ST3GAL2: variants seen among roughly 807,000 people sequenced by gnomAD.
The protein encoded by ST3GAL2 is CMP-N-acetylneuraminate-beta-galactosamide-alpha-2,3-sialyltransferase 2.
A neutral mutation model predicts 37.5 loss-of-function variants in ST3GAL2; 16 were observed. The ratio of observed to expected loss-of-function variants is 0.43; its 90% CI spans 0.29 to 0.65. The LOEUF (loss-of-function observed/expected upper bound fraction) is 0.65. Among genes scored for constraint, ST3GAL2 ranks in the 30% least tolerant of loss-of-function variants. The pLI is 0.17. For missense variants in ST3GAL2, 383 were observed against 487.8 expected (o/e 0.79, Z 2.02); for synonymous variants, 238 against 202.9 (o/e 1.17, Z -1.47).
At chr16:70,383,637 G>GGGAAAGGAGAAAGGAAAGGAGAAA (rs200315505) in intron 4 of ST3GAL2, among the ~76,000 whole-genome samples, 108 of 148,480 alleles carry the variant, frequency 7.3e-4, no homozygotes, top group African/African-American at 2.5e-3. Context: ...AGGAAAAGAA[G>GGGAAAGGAGAAAGGAAAGGAGAAA]GGAAAGGAGA....
At chr16:70,431,449 G>A (rs2047789272) in intron 1 of ST3GAL2, among the ~76,000 whole-genome samples, 1 of 152,166 alleles carries the variant, frequency 6.6e-6, no homozygotes, top group Non-Finnish European at 1.5e-5. Flanking sequence ...CCTGGGCCCC[G>A]CAATGCCACC....
chr16:70,386,649 T>A (rs561747745), intron 4 of ST3GAL2, among the ~76,000 whole-genome samples: 2 of 151,946 alleles, frequency 1.3e-5, no homozygotes, highest in East Asian at 3.9e-4. Context: ...AAATTTTTAT[T>A]TTTTATTTTT....
chr16:70,398,164 A>G (rs766017038), intron 2 of ST3GAL2, 28 bp downstream of exon 2: 2 of 1,600,124 alleles, frequency 1.2e-6, no homozygotes, highest in Non-Finnish European at 1.7e-6. Context: ...TGGGGGACAG[A>G]TCCCTGGAAG....
At chr16:70,420,832 G>A (rs1393237251) in intron 1 of ST3GAL2, among the ~76,000 whole-genome samples, 1 of 152,222 alleles carries the variant, frequency 6.6e-6, no homozygotes. Flanking sequence ...CTAAAAGGAA[G>A]CCATGTCCTC....
intron 4 of ST3GAL2, among the ~76,000 whole-genome samples, chr16:70,386,606 G>T (rs1327304987): frequency 6.6e-6 from 1 of 151,926 alleles, no homozygotes; most frequent in Non-Finnish European, 1.5e-5. Context: ...CAAAGGGCTG[G>T]GATTACAGGC....
In ST3GAL2 at chr16:70,399,087, T is replaced by G; in HGVS notation, c.-557A>C. 5.0e-6 allele frequency: 2 copies of G among 400,534 alleles called. No individual in the cohort carries two copies. Among genetic ancestry groups the G allele is most frequent in the Non-Finnish European group, 4.4e-6 (1 of 227,460 alleles). 24.8% of individuals were successfully genotyped at this position (400,534 alleles called of 1,614,324 possible). ...GTCCCACCTCCTGGCCCAAAACCTC[T>G]GCCAGAGGAGGGGAGCCAGACCCCA... On this transcript the variant is annotated 5_prime_UTR_variant, in exon 2 of 7. Transcript: ENST00000342907.
chr16:70,382,045 TTCC>T lies in ST3GAL2; in HGVS notation c.880-186_880-184del, dbSNP rs773104362. ...ACCTTCCCTTTGCAGCCCTTGCAAA[TTCC>T]TCCTTTTTTTTTTTTTTTTTTTTAA... is the stretch of plus-strand genomic sequence containing the variant. On this transcript the variant is annotated intron_variant, in intron 6 of 6. Transcript: ENST00000342907. Among the ~76,000 whole-genome samples, 1,093 of 146,886 alleles carry T rather than the reference TTCC, an allele frequency of 7.4e-3. 6 individuals carry two copies. The highest frequency in any genetic ancestry group is 0.011 in the Non-Finnish European group (764 of 67,444).
intron 3 of ST3GAL2, among the ~76,000 whole-genome samples, chr16:70,393,298 G>A (rs1290241309): frequency 6.6e-6 from 1 of 151,958 alleles, no homozygotes; most frequent in Non-Finnish European, 1.5e-5. Context: ...GGCTAGTCTC[G>A]AACTCCCGAC....
At chr16:70,435,092 C>T (rs887939150) in intron 1 of ST3GAL2, among the ~76,000 whole-genome samples, 4 of 152,164 alleles carry the variant, frequency 2.6e-5, no homozygotes, top group African/African-American at 9.7e-5. Context: ...CAATTTGCTT[C>T]GATATCTTCA....
intron 1 of ST3GAL2, among the ~76,000 whole-genome samples, chr16:70,409,308 C>T (rs2047619029): frequency 6.6e-6 from 1 of 151,332 alleles, no homozygotes; most frequent in African/African-American, 2.4e-5. Flanking sequence ...TGGGGAAGAC[C>T]AGGTCTCTCC....
chr16:70,428,272 G>A (rs1302687669), intron 1 of ST3GAL2, among the ~76,000 whole-genome samples: 1 of 152,232 alleles, frequency 6.6e-6, no homozygotes, highest in Non-Finnish European at 1.5e-5. Context: ...CAGCTGGGCC[G>A]AAGCCAGGGG....
rs143715833 is a variant in ST3GAL2, at chr16:70,382,003, A to C, written c.880-141T>G. ...CCCCAGGCCTGGCCTAAGGACATGG[A>C]CTCACATGGGGACACCACCTTCCCT... On this transcript the variant is annotated intron_variant, in intron 6 of 6. Transcript: ENST00000342907. The C allele has an allele frequency of 5.4e-4, 524 of 967,812 alleles. 1 individual carries two copies. In the African/African-American group the frequency reaches 8.3e-3, roughly 15 times the overall value. 60.0% of individuals were successfully genotyped at this position (967,812 alleles called of 1,614,324 possible).
intron 1 of ST3GAL2, among the ~76,000 whole-genome samples, chr16:70,429,787 G>A (rs1296805125): frequency 5.9e-5 from 9 of 151,428 alleles, no homozygotes; most frequent in Non-Finnish European, 8.8e-5. Flanking sequence ...GATTACAGGC[G>A]CCCTCCACCA....
chr16:70,424,200 G>A (rs2047735268), intron 1 of ST3GAL2, among the ~76,000 whole-genome samples: 1 of 139,868 alleles, frequency 7.1e-6, no homozygotes, highest in South Asian at 2.6e-4. Context: ...TCTCCATGTT[G>A]GTCAGACTGG....
intron 1 of ST3GAL2, among the ~76,000 whole-genome samples, chr16:70,401,796 C>T (rs915746734): frequency 2.0e-5 from 3 of 152,010 alleles, no homozygotes; most frequent in African/African-American, 7.3e-5. Flanking sequence ...ATTTCAAGAC[C>T]AGCCTGGCCA....
At chr16:70,398,162 A>T in intron 2 of ST3GAL2, 30 bp downstream of exon 2, 1 of 1,599,114 alleles carries the variant, frequency 6.3e-7, no homozygotes, top group Non-Finnish European at 8.5e-7. Context: ...ACTGGGGGAC[A>T]GATCCCTGGA....
rs376861291 is a variant in ST3GAL2 at position 70,382,952 on chromosome 16, T to C, written c.760-28A>G. On this transcript the variant is annotated intron_variant, in intron 5 of 6. Transcript: ENST00000342907. The stretch of plus-strand genomic sequence containing the variant: ...GGGAGGAGAAGGGATGACAGGTATA[T>C]GAGGGGTTTAGGGGCAGAGATTCAG... 8 of 1,609,140 alleles carry C rather than the reference T, an allele frequency of 5.0e-6. No individual in the cohort carries two copies. In the African/African-American group the frequency reaches 8.0e-5, roughly 16 times the overall value.
chr16:70,429,688 C>T (rs1192746108), intron 1 of ST3GAL2, among the ~76,000 whole-genome samples: 2 of 124,996 alleles, frequency 1.6e-5, no homozygotes, highest in Non-Finnish European at 3.2e-5. Context: ...ATTGCCCAGG[C>T]TGGAGTGAAA....
At chr16:70,397,878 G>A (rs771495119) in intron 2 of ST3GAL2, among the ~76,000 whole-genome samples, 2 of 152,046 alleles carry the variant, frequency 1.3e-5, no homozygotes, top group Non-Finnish European at 2.9e-5. Context: ...TGGGGCCGAG[G>A]GGCGGCTGCC....
Sources: allele counts gnomAD v4.1 joint callset (sites outside exome capture counted in the v4.1 genomes callset), GRCh38; gene constraint gnomAD v4.1.1; transcripts MANE v1.5; gene names NCBI Gene and HGNC (gene_info 2026-07-23, HGNC 2026-07-21).